FNDC1: variants seen among roughly 807,000 people sequenced by gnomAD.
FNDC1 encodes fibronectin type III domain containing 1.
Under a neutral mutation model 168.0 loss-of-function variants are expected in FNDC1, and 96 were observed. That is an observed-to-expected ratio of 0.57 (90% confidence interval 0.48 to 0.68). The LOEUF (loss-of-function observed/expected upper bound fraction) is 0.68. FNDC1 is among the 30% of genes least tolerant of loss of function. The pLI is 0.00. For missense variants in FNDC1, 2,587 were observed against 2,482.1 expected (o/e 1.04, Z -0.90); for synonymous variants, 1,099 against 1,025.9 (o/e 1.07, Z -1.36).
chr6:159,200,690 C>T (rs1782361182), intron 4 of FNDC1, 109 bp downstream of exon 4: 2 of 789,638 alleles, frequency 2.5e-6, no homozygotes, highest in Non-Finnish European at 4.2e-6. Context: ...ACTGAGTTCC[C>T]ATCGCTAAAC....
chr6:159,178,899 T>C (rs1397283158), intron 1 of FNDC1, among the ~76,000 whole-genome samples: 1 of 152,044 alleles, frequency 6.6e-6, no homozygotes, highest in African/African-American at 2.4e-5. Flanking sequence ...AACATTCCAG[T>C]CTCAGGACAG....
chr6:159,207,620 C>A (rs1782513607), intron 4 of FNDC1, among the ~76,000 whole-genome samples: 1 of 152,244 alleles, frequency 6.6e-6, no homozygotes, highest in African/African-American at 2.4e-5. Context: ...TGAAAGGAAG[C>A]ACTTTCCTTT....
Position 159,232,613 on chromosome 6 carries a change from C to A in FNDC1, c.2101C>A (p.Pro701Thr), listed in dbSNP as rs770212056. Reference protein sequence around the residue: ...AKPASPARRTPHSGAAEEDSS... With the variant: ...AKPASPARRTTHSGAAEEDSS... Reference sequence around the variant, plus strand: ...GCCAGCCTCGCCGGCCCGGAGGACCCCCCATTCAGGGGCCGCAGAGGAAGA... The same window carrying A: ...GCCAGCCTCGCCGGCCCGGAGGACCACCCATTCAGGGGCCGCAGAGGAAGA... Residue 701 changes from proline to threonine, a missense_variant, in exon 11 of 23, where the codon CCC becomes ACC. Coordinates refer to ENST00000297267, the MANE Select transcript of FNDC1 (RefSeq NM_032532.3). The surrounding 1 kb of genome is among the most constrained non-coding windows in gnomAD (Gnocchi z 4.9). 1 of 1,608,530 alleles carries A rather than the reference C, an allele frequency of 6.2e-7. No individual in the cohort carries two copies. The highest frequency in any genetic ancestry group is 8.5e-7 in the Non-Finnish European group (1 of 1,176,370).
intron 1 of FNDC1, among the ~76,000 whole-genome samples, chr6:159,171,013 G>T (rs1781645019): frequency 6.6e-6 from 1 of 152,190 alleles, no homozygotes; most frequent in African/African-American, 2.4e-5. Context: ...ACTGGAACCA[G>T]TGCTGCCCTG....
chr6:159,238,640 A>C lies in FNDC1; in HGVS notation c.4155A>C (p.Leu1385=). The change falls in exon 13 of 23, where the codon CTA becomes CTC. Residue 1385 remains leucine (L), a synonymous_variant. Transcript: ENST00000297267. ...ATGGAAATCCTCTTCGGATTAAACT[A>C]GGAGGAGATGGTCGAACCATTGTAG... The part of the protein sequence containing the change: ...DSHGNPLRIK[L]GGDGRTIVDL... 1 of 1,607,810 alleles carries C rather than the reference A, an allele frequency of 6.2e-7. No individual in the cohort carries two copies. The highest frequency in any genetic ancestry group is 8.5e-7 in the Non-Finnish European group (1 of 1,176,964).
At chr6:159,229,273 T>C (rs1220579977) in intron 9 of FNDC1, among the ~76,000 whole-genome samples, 1 of 152,224 alleles carries the variant, frequency 6.6e-6, no homozygotes, top group Non-Finnish European at 1.5e-5. Flanking sequence ...GTGAAATATC[T>C]TTATCAGGAT....
chr6:159,261,555 T>G (rs1429858831), intron 19 of FNDC1, among the ~76,000 whole-genome samples: 1 of 152,226 alleles, frequency 6.6e-6, no homozygotes, highest in Non-Finnish European at 1.5e-5. Flanking sequence ...TGACTCTATC[T>G]GTACAAAATT....
At chr6:159,195,947 C>T (rs1006949879) in intron 1 of FNDC1, among the ~76,000 whole-genome samples, 9 of 152,120 alleles carry the variant, frequency 5.9e-5, no homozygotes, top group African/African-American at 1.2e-4. Flanking sequence ...TTGTAGTTTT[C>T]GGATATCTTG....
intron 6 of FNDC1, among the ~76,000 whole-genome samples, chr6:159,223,286 A>G (rs449385): frequency 0.38 from 58,333 of 151,794 alleles, 14,298 homozygotes; most frequent in East Asian, 0.73. Flanking sequence ...GTGAACCACC[A>G]CACCTGGCCG....
intron 1 of FNDC1, among the ~76,000 whole-genome samples, chr6:159,192,983 A>G (rs757524121): frequency 8.5e-5 from 13 of 152,096 alleles, no homozygotes; most frequent in Non-Finnish European, 1.2e-4. Flanking sequence ...TTCCTCACGG[A>G]CCCAGATTCA....
intron 1 of FNDC1, among the ~76,000 whole-genome samples, chr6:159,180,517 C>T (rs1442573494): frequency 3.3e-5 from 5 of 151,866 alleles, no homozygotes; most frequent in African/African-American, 1.2e-4. Context: ...GCAGGATGTG[C>T]AGGTTTGTTA....
chr6:159,250,803 ATTG>A (rs1484662526), intron 16 of FNDC1, among the ~76,000 whole-genome samples: 4 of 152,178 alleles, frequency 2.6e-5, no homozygotes, highest in African/African-American at 9.7e-5. Flanking sequence ...GATGCTCCAG[ATTG>A]TTGTGGTGGT....
chr6:159,171,182 T>G (rs1226004622), intron 1 of FNDC1, among the ~76,000 whole-genome samples: 1 of 152,204 alleles, frequency 6.6e-6, no homozygotes, highest in Non-Finnish European at 1.5e-5. Flanking sequence ...TGAATCACTG[T>G]GCTGAGGAAT....
chr6:159,221,689 G>T lies in FNDC1; in HGVS notation c.759G>T (p.Lys253Asn), dbSNP rs1217753633. The change falls in exon 6 of 23, where the codon AAG becomes AAT. Residue 253 changes from lysine to asparagine, a missense_variant. Physicochemically the swap from Lys to Asn is moderately conservative, Grantham distance 94. Transcript: ENST00000297267. ...ACAGGGCTGCCCTAACAAAGCGAAAGATTTCAGGTATGTTTCTAAGGATGC... is the reference window on the plus strand; with the variant it reads ...ACAGGGCTGCCCTAACAAAGCGAAATATTTCAGGTATGTTTCTAAGGATGC... ...PVYRAALTKR[K>N]ISEEDELDVP... 3 of 1,613,290 alleles carry T rather than the reference G, an allele frequency of 1.9e-6. No individual in the cohort carries two copies. Among genetic ancestry groups the T allele is most frequent in the South Asian group, 1.1e-5 (1 of 91,066 alleles).
chr6:159,194,250 A>G (rs1348748307), intron 1 of FNDC1, among the ~76,000 whole-genome samples: 1 of 152,162 alleles, frequency 6.6e-6, no homozygotes, highest in Non-Finnish European at 1.5e-5. Flanking sequence ...TCATGGCCCT[A>G]CCTGTCATGC....
At chr6:159,257,905 CT>C (rs142754305) in intron 18 of FNDC1, among the ~76,000 whole-genome samples, 42 of 131,578 alleles carry the variant, frequency 3.2e-4, no homozygotes, top group East Asian at 1.1e-3. Flanking sequence ...GAGTCAATGT[CT>C]TTTTTTTTTT....
At chr6:159,258,618 C>T (rs748125954) in intron 18 of FNDC1, among the ~76,000 whole-genome samples, 2 of 152,210 alleles carry the variant, frequency 1.3e-5, no homozygotes, top group Non-Finnish European at 2.9e-5. Flanking sequence ...CGCTCAGTGC[C>T]TTGAGGCAGA....
At chr6:159,266,025 G>T in intron 20 of FNDC1, 59 bp from the exon 21 acceptor site, 1 of 1,576,722 alleles carries the variant, frequency 6.3e-7, no homozygotes, top group Non-Finnish European at 8.7e-7. Flanking sequence ...CTGGCACTTT[G>T]TGTGAGAAGA....
At chr6:159,227,638 T>A (rs1457817118) in intron 9 of FNDC1, among the ~76,000 whole-genome samples, 1 of 128,392 alleles carries the variant, frequency 7.8e-6, no homozygotes, top group African/African-American at 3.8e-5. Context: ...TGTACTATTC[T>A]TCTTTCTCTT....
Sources: gnomAD v4.1 joint callset for allele counts (sites outside exome capture counted in the v4.1 genomes callset) on GRCh38, gnomAD v4.1.1 for gene constraint, Gnocchi (gnomAD v3.1) non-coding constraint, MANE v1.5 for transcripts, NCBI Gene and HGNC (gene_info 2026-07-23, HGNC 2026-07-21) for gene names.